Variants in GABRG2 observed in about 807,000 individuals in gnomAD.
The protein encoded by GABRG2 is gamma-aminobutyric acid receptor subunit gamma-2.
GABRG2 carries 16 observed loss-of-function variants against 56.4 expected under a neutral mutation model. The observed-to-expected ratio is 0.28, with a 90% CI of 0.19 to 0.43. The LOEUF (loss-of-function observed/expected upper bound fraction) is 0.43. GABRG2 is among the 20% of genes least tolerant of loss of function. The pLI is 1.00. For synonymous variants in GABRG2, 208 were observed against 205.5 expected, an observed-to-expected ratio of 1.01 and a Z score of -0.10; for missense variants, 327 against 582.7, an observed-to-expected ratio of 0.56 and a Z score of 4.52.
At chr5:162,136,951 C>T (rs767351115) in intron 6 of GABRG2, among the ~76,000 whole-genome samples, 1 of 152,020 alleles carries the variant, frequency 6.6e-6, no homozygotes, top group African/African-American at 2.4e-5. Context: ...ATATTTTTTC[C>T]CTCTCTTGAC....
intron 1 of GABRG2, among the ~76,000 whole-genome samples, chr5:162,070,183 C>T (rs1314307836): frequency 6.6e-6 from 1 of 152,014 alleles, no homozygotes; most frequent in Non-Finnish European, 1.5e-5. Context: ...ACCAGACTAT[C>T]TTAGATGAGT....
intron 7 of GABRG2, 84 bp from the exon 8 acceptor site, chr5:162,149,024 T>C (rs1012007943): frequency 8.0e-7 from 1 of 1,256,264 alleles, no homozygotes; most frequent in Non-Finnish European, 1.2e-6. Flanking sequence ...TCAGAAGTCA[T>C]GAAACAATGT....
At chr5:162,102,522 G>C in intron 5 of GABRG2, 1 of 453,996 alleles carries the variant, frequency 2.2e-6, no homozygotes, top group African/African-American at 2.0e-5. Flanking sequence ...TGTTGTTGTT[G>C]TTGTTGTTTT....
intron 6 of GABRG2, among the ~76,000 whole-genome samples, chr5:162,122,249 G>A (rs369238964): frequency 2.0e-5 from 3 of 151,886 alleles, no homozygotes; most frequent in Non-Finnish European, 2.9e-5. Flanking sequence ...GCTAAACAGC[G>A]AGGAAGTTGA....
intron 1 of GABRG2, among the ~76,000 whole-genome samples, chr5:162,079,713 T>C (rs1446122746): frequency 6.6e-6 from 1 of 152,116 alleles, no homozygotes; most frequent in Non-Finnish European, 1.5e-5. Flanking sequence ...ACTTCCCTTA[T>C]TGATTCTGAT....
rs1460777672 is a variant in GABRG2 at position 162,074,787 on chromosome 5, A to AT, written c.107+6686dup. 3.9e-5 allele frequency among the ~76,000 whole-genome samples: 6 copies of AT among 152,202 alleles called. No homozygotes were observed. In the South Asian group the frequency reaches 1.2e-3, roughly 32 times the overall value. ...GAATATCATTTGAGCCAATTCTGGG[A>AT]TTTTTGCATTATAGAGAATACAGGC... On this transcript the variant is annotated intron_variant, in intron 1 of 9. Transcript: ENST00000639213.
At chr5:162,101,744 T>TA (rs1761434635) in intron 5 of GABRG2, 1 of 179,176 alleles carries the variant, frequency 5.6e-6, no homozygotes, top group African/African-American at 2.4e-5. Flanking sequence ...ATTTCATTGA[T>TA]AAAATATATG....
At chr5:162,099,101 T>C (rs1362456704) in intron 4 of GABRG2, 1 of 152,156 alleles carries the variant, frequency 6.6e-6, no homozygotes, top group Non-Finnish European at 1.5e-5. Flanking sequence ...TTAAATGTGC[T>C]TGCTCAACAT....
At chr5:162,151,638 T>G in intron 8 of GABRG2, 92 bp from the exon 9 acceptor site, 1 of 1,122,828 alleles carries the variant, frequency 8.9e-7, no homozygotes, top group Non-Finnish European at 1.3e-6. Context: ...AATGTATTTT[T>G]AATTTATCTT....
At chr5:162,118,903 A>C (rs972661047) in intron 6 of GABRG2, among the ~76,000 whole-genome samples, 1 of 152,258 alleles carries the variant, frequency 6.6e-6, no homozygotes, top group African/African-American at 2.4e-5. Context: ...AAAGAATGCT[A>C]TACTCAGAGG....
chr5:162,127,117 C>T (rs368710534), intron 6 of GABRG2, among the ~76,000 whole-genome samples: 2 of 151,850 alleles, frequency 1.3e-5, no homozygotes, highest in South Asian at 2.1e-4. Flanking sequence ...AGTACAGACA[C>T]GTAAGTAATG....
chr5:162,144,694 A>G (rs10491329), intron 7 of GABRG2, among the ~76,000 whole-genome samples: 16,663 of 152,202 alleles, frequency 0.11, 981 homozygotes, highest in Non-Finnish European at 0.14. Context: ...ATAAGGAGGT[A>G]GTAGATCTGC....
chr5:162,126,174 G>A (rs903024512), intron 6 of GABRG2, among the ~76,000 whole-genome samples: 6 of 151,914 alleles, frequency 3.9e-5, no homozygotes, highest in Non-Finnish European at 5.9e-5. Flanking sequence ...AAGAAATGAG[G>A]GGGTAATGAC....
At chr5:162,074,329 C>G (rs1421581351) in intron 1 of GABRG2, among the ~76,000 whole-genome samples, 3 of 152,112 alleles carry the variant, frequency 2.0e-5, no homozygotes, top group African/African-American at 7.2e-5. Flanking sequence ...TGATACAACA[C>G]TCTCCACCCA....
At chr5:162,125,723 A>T (rs1763298634) in intron 6 of GABRG2, among the ~76,000 whole-genome samples, 1 of 151,812 alleles carries the variant, frequency 6.6e-6, no homozygotes, top group African/African-American at 2.4e-5. Flanking sequence ...AGACAGGAGA[A>T]TTGAGGGAGT....
intron 6 of GABRG2, among the ~76,000 whole-genome samples, chr5:162,133,452 T>A (rs1040460288): frequency 6.6e-6 from 1 of 152,124 alleles, no homozygotes; most frequent in Admixed American, 6.6e-5. Flanking sequence ...CCTGCGTTTA[T>A]GTAAAACATG....
chr5:162,106,043 T>C (rs897220400), intron 6 of GABRG2, among the ~76,000 whole-genome samples: 1 of 152,078 alleles, frequency 6.6e-6, no homozygotes, highest in African/African-American at 2.4e-5. Flanking sequence ...GAAGGGTTGA[T>C]TTTACATCAC....
chr5:162,145,749 A>G (rs1284683982), intron 7 of GABRG2, among the ~76,000 whole-genome samples: 1 of 152,194 alleles, frequency 6.6e-6, no homozygotes, highest in African/African-American at 2.4e-5. Context: ...TAACTCATCT[A>G]CAGTACCTAC....
intron 8 of GABRG2, 33 bp downstream of exon 8, chr5:162,149,346 T>C (rs1765194848): frequency 2.5e-6 from 4 of 1,602,210 alleles, no homozygotes; most frequent in Non-Finnish European, 3.4e-6. Flanking sequence ...ACCATTGAAA[T>C]TTTTATGATT....
Sources: allele counts gnomAD v4.1 joint callset (sites outside exome capture counted in the v4.1 genomes callset), GRCh38; gene constraint gnomAD v4.1.1; transcripts MANE v1.5; gene names NCBI Gene and HGNC (gene_info 2026-07-23, HGNC 2026-07-21).